NPAS3: variants seen among roughly 807,000 people sequenced by gnomAD.
The protein encoded by NPAS3 is neuronal PAS domain-containing protein 3.
A neutral mutation model predicts 73.1 loss-of-function variants in NPAS3; 14 were observed. The ratio of observed to expected loss-of-function variants is 0.19; its 90% CI spans 0.13 to 0.30. The LOEUF is 0.30. Among genes scored for constraint, NPAS3 ranks in the 10% least tolerant of loss-of-function variants. The pLI is 1.00. For synonymous variants in NPAS3, 620 were observed against 541.5 expected (o/e 1.14, Z -2.01); for missense variants, 1,096 against 1,250.0 (o/e 0.88, Z 1.86).
In NPAS3 at chr14:33,080,729, G is replaced by T. The variant is rs1030498773; in HGVS notation, c.140+24735G>T. Among the ~76,000 whole-genome samples the T allele has an allele frequency of 4.6e-5, 7 of 152,328 alleles. No homozygotes were observed. The Middle Eastern group carries it at 0.02, about 444-fold the overall frequency. ...TCTAACATGATCAGGAGATGCCAGAGAGCATTGTTGCGTGAAGTGTGAGTG... is the reference window on the plus strand; with the variant it reads ...TCTAACATGATCAGGAGATGCCAGATAGCATTGTTGCGTGAAGTGTGAGTG... On this transcript the variant is annotated intron_variant, in intron 2 of 11. Coordinates refer to ENST00000356141, the Ensembl canonical transcript of NPAS3.
chr14:33,169,393 C>A (rs1419893051), intron 2 of NPAS3, among the ~76,000 whole-genome samples: 1 of 152,120 alleles, frequency 6.6e-6, no homozygotes, highest in East Asian at 1.9e-4. Flanking sequence ...CATGGCAAAA[C>A]CCCCTCTCTA....
chr14:33,440,217 G>A (rs1374179792), intron 4 of NPAS3, among the ~76,000 whole-genome samples: 1 of 152,048 alleles, frequency 6.6e-6, no homozygotes, highest in Non-Finnish European at 1.5e-5. Context: ...TTACAAATGA[G>A]CATACTGAGA....
At chr14:33,784,741 A>ATTTATTTATTTTT (rs1555333492) in intron 9 of NPAS3, among the ~76,000 whole-genome samples, 17 of 72,766 alleles carry the variant, frequency 2.3e-4, no homozygotes, top group African/African-American at 1.0e-3. Context: ...TTATTTATTT[A>ATTTATTTATTTTT]TTTATTTTTT....
intron 7 of NPAS3, among the ~76,000 whole-genome samples, chr14:33,753,446 C>G (rs367690567): frequency 6.6e-6 from 1 of 151,626 alleles, no homozygotes; most frequent in Admixed American, 6.6e-5. Context: ...TGCATTTGTG[C>G]GGCAGGGCAT....
At chr14:33,642,311 T>C (rs918990124) in intron 5 of NPAS3, among the ~76,000 whole-genome samples, 4 of 151,990 alleles carry the variant, frequency 2.6e-5, no homozygotes, top group African/African-American at 4.8e-5. Flanking sequence ...TAAAAGAAAA[T>C]GAGAGTTTAT....
intron 10 of NPAS3, among the ~76,000 whole-genome samples, chr14:33,795,013 A>G (rs1041930299): frequency 6.6e-6 from 1 of 152,140 alleles, no homozygotes; most frequent in African/African-American, 2.4e-5. Flanking sequence ...TTTGGCTGAT[A>G]ATTTAGACAG....
intron 2 of NPAS3, among the ~76,000 whole-genome samples, chr14:33,113,686 C>T (rs1044617600): frequency 2.0e-5 from 3 of 152,100 alleles, no homozygotes; most frequent in African/African-American, 7.2e-5. Context: ...TTGCCCTGGC[C>T]AGAACTTCCA....
chr14:33,203,020 T>G (rs1417990434), intron 2 of NPAS3, among the ~76,000 whole-genome samples: 1 of 152,244 alleles, frequency 6.6e-6, no homozygotes, highest in Non-Finnish European at 1.5e-5. Context: ...CATGTGGCCT[T>G]TCTTGACTAC....
At chr14:33,556,645 A>G (rs1465169286) in intron 4 of NPAS3, among the ~76,000 whole-genome samples, 3 of 152,232 alleles carry the variant, frequency 2.0e-5, no homozygotes, top group East Asian at 3.9e-4. Context: ...GAGGCATACA[A>G]TGCCATAAAT....
At chr14:33,728,797 C>G (rs2061334479) in intron 6 of NPAS3, among the ~76,000 whole-genome samples, 1 of 152,144 alleles carries the variant, frequency 6.6e-6, no homozygotes, top group South Asian at 2.1e-4. Context: ...ACTACCAAAC[C>G]CACTGGCCTA....
chr14:33,375,897 T>C (rs531079061), intron 4 of NPAS3, among the ~76,000 whole-genome samples: 196 of 152,322 alleles, frequency 1.3e-3, no homozygotes, highest in Non-Finnish European at 2.0e-3. Context: ...CAATTGGGTC[T>C]ACTGGCAATG....
intron 5 of NPAS3, among the ~76,000 whole-genome samples, chr14:33,649,205 A>C (rs190272479): frequency 1.3e-5 from 2 of 152,334 alleles, no homozygotes; most frequent in East Asian, 3.9e-4. Flanking sequence ...CTCCTGTCCT[A>C]AATGAAGTGG....
intron 4 of NPAS3, among the ~76,000 whole-genome samples, chr14:33,435,767 T>C (rs564292595): frequency 6.6e-6 from 1 of 152,250 alleles, no homozygotes; most frequent in African/African-American, 2.4e-5. Context: ...CTATGTCCTG[T>C]CCCTTTCGAT....
chr14:33,142,919 C>T (rs539278286), intron 2 of NPAS3, among the ~76,000 whole-genome samples: 30 of 150,322 alleles, frequency 2.0e-4, no homozygotes, highest in African/African-American at 4.2e-4. Context: ...CTGGCCAACA[C>T]GGTGAAACCC....
intron 3 of NPAS3, among the ~76,000 whole-genome samples, chr14:33,260,587 C>T (rs2048939476): frequency 6.6e-6 from 1 of 152,180 alleles, no homozygotes; most frequent in African/African-American, 2.4e-5. Flanking sequence ...TCATCAGCAG[C>T]AGATCATTTG....
rs2049062222 is a variant in NPAS3 at position 33,437,976 on chromosome 14, A to G, written c.468+70708A>G. Among the ~76,000 whole-genome samples the G allele has an allele frequency of 2.0e-5, 3 of 152,222 alleles. No individual in the cohort carries two copies. In the South Asian group the frequency reaches 6.2e-4, roughly 32 times the overall value. On this transcript the variant is annotated intron_variant, in intron 4 of 11. Coordinates refer to ENST00000356141, the Ensembl canonical transcript of NPAS3. ...TAGTTGTTAAAGTGTACAACATTTA[A>G]GTTGGCTAGGAATTTTATAATGAAG...
intron 5 of NPAS3, among the ~76,000 whole-genome samples, chr14:33,567,144 C>T (rs2055995093): frequency 6.6e-6 from 1 of 152,112 alleles, no homozygotes; most frequent in Non-Finnish European, 1.5e-5. Context: ...CTTGATTAGC[C>T]ACTTCTTGAA....
intron 1 of NPAS3, among the ~76,000 whole-genome samples, chr14:32,968,120 G>A (rs1457230897): frequency 6.6e-6 from 1 of 152,142 alleles, no homozygotes; most frequent in South Asian, 2.1e-4. Context: ...TTGGTCAGGG[G>A]TGCAGAGTGA....
At chr14:33,591,760 G>A (rs145901198) in intron 5 of NPAS3, among the ~76,000 whole-genome samples, 15 of 152,202 alleles carry the variant, frequency 9.9e-5, no homozygotes, top group South Asian at 4.2e-4. Flanking sequence ...TGATCTCAGC[G>A]TATTATCCTC....
Sources: gnomAD v4.1 joint callset for allele counts (sites outside exome capture counted in the v4.1 genomes callset) on GRCh38, gnomAD v4.1.1 for gene constraint, MANE v1.5 for transcripts, NCBI Gene and HGNC (gene_info 2026-07-23, HGNC 2026-07-21) for gene names.